KLHDC4: variants seen among roughly 807,000 people sequenced by gnomAD.
KLHDC4 encodes kelch domain containing 4, also known as kelch domain-containing protein 4.
In KLHDC4, 90 loss-of-function variants were observed where a neutral mutation model predicts 62.4. The observed-to-expected ratio is 1.44, with a 90% CI of 1.22 to 1.72. KLHDC4 has a LOEUF of 1.72. Ranked by LOEUF, KLHDC4 falls within the 40% of genes most tolerant of loss-of-function variation. The probability of loss-of-function intolerance (pLI) is 0.00; values close to 1 mark genes in which losing one functional copy is unlikely to be tolerated. For synonymous variants in KLHDC4, 386 were observed against 284.4 expected (o/e 1.36, Z -3.59); for missense variants, 1,025 against 699.7 (o/e 1.47, Z -5.25).
chr16:87,738,534 CCATCCACACACCAGCACCT>C (rs1252279609), intron 5 of KLHDC4, among the ~76,000 whole-genome samples: 43 of 152,046 alleles, frequency 2.8e-4, no homozygotes, highest in East Asian at 1.4e-3. Flanking sequence ...AAAACGTGGT[CCATCCACACACCAGCACCT>C]CATCCACACA....
exon 1 of KLHDC4, chr16:87,699,940 T>G (rs947410732): frequency 2.6e-5 from 4 of 152,076 alleles, no homozygotes; most frequent in African/African-American, 9.7e-5. Flanking sequence ...AAATGAAATG[T>G]TTTTCATACT....
At chr16:87,717,262 G>A (rs777885570) in intron 7 of KLHDC4, among the ~76,000 whole-genome samples, 1 of 152,212 alleles carries the variant, frequency 6.6e-6, no homozygotes, top group African/African-American at 2.4e-5. Flanking sequence ...CAAGATTTGG[G>A]CAATGGATGT....
chr16:87,748,840 C>T (rs768255176), intron 4 of KLHDC4, 31 bp from the exon 5 acceptor site: 2 of 1,610,074 alleles, frequency 1.2e-6, no homozygotes, highest in East Asian at 2.2e-5. Context: ...GGTCAGGGCA[C>T]AGCCACACAG....
At chr16:87,711,528 GC>G (rs1308774111) in intron 8 of KLHDC4, 85 bp from the exon 9 acceptor site, 4 of 1,204,426 alleles carry the variant, frequency 3.3e-6, no homozygotes, top group Non-Finnish European at 2.3e-6. Context: ...GACCCCAGGT[GC>G]CCCCCAGAAT....
chr16:87,726,925 C>G lies in KLHDC4; in HGVS notation c.600-1G>C, dbSNP rs1460270201. 2 of 1,613,736 alleles carry G rather than the reference C, an allele frequency of 1.2e-6. No individual in the cohort carries two copies. The highest frequency in any genetic ancestry group is 1.7e-6 in the Non-Finnish European group (2 of 1,179,800). ...CACGTCGTTGTAGTAGATGTAATCC[C>G]TGGTTAGAAGAACAGCAGCTGTCAG... On this transcript the variant is annotated splice_acceptor_variant, in intron 6 of 11. Transcript: ENST00000270583. LOFTEE classifies it high-confidence loss of function.
At chr16:87,764,416 G>C (rs1021182223) in intron 1 of KLHDC4, among the ~76,000 whole-genome samples, 1 of 151,976 alleles carries the variant, frequency 6.6e-6, no homozygotes, top group African/African-American at 2.4e-5. Context: ...TTGGGAGGCC[G>C]AGGCGAGCGC....
chr16:87,722,149 G>T (rs192077085), intron 7 of KLHDC4, among the ~76,000 whole-genome samples: 1 of 152,186 alleles, frequency 6.6e-6, no homozygotes, highest in African/African-American at 2.4e-5. Context: ...TGTCCCACAC[G>T]CTGCATCTCT....
In KLHDC4 at chr16:87,709,508, G is replaced by C. The variant is rs61735152; in HGVS notation, c.1204C>G (p.Leu402Val). The change falls in exon 10 of 12, where the codon CTC becomes GTC. Residue 402 changes from leucine to valine, a missense_variant. Coordinates refer to ENST00000270583, the MANE Select transcript of KLHDC4 (RefSeq NM_017566.4). ...DGTVVTIKQV[L>V]TAPGSAGQPR... ...TGCCCCGCCGAGCCTGGCGCGGTGA[G>C]CACCTGCTTAATGGTGACCACGGTG... The C allele has an allele frequency of 6.5e-5, 104 of 1,612,042 alleles. 1 individual carries two copies. The Middle Eastern group carries it at 8.2e-4, about 13-fold the overall frequency.
chr16:87,709,133 G>T (rs2035256746), intron 10 of KLHDC4, 132 bp downstream of exon 10: 1 of 1,158,376 alleles, frequency 8.6e-7, no homozygotes, highest in African/African-American at 1.5e-5. Context: ...TGACCGTGGA[G>T]GCAGGAGCAC....
At chr16:87,728,184 C>G (rs1038982065) in intron 6 of KLHDC4, among the ~76,000 whole-genome samples, 1 of 151,938 alleles carries the variant, frequency 6.6e-6, no homozygotes, top group African/African-American at 2.4e-5. Context: ...GAATCTGTCT[C>G]AAAAAAAGAA....
chr16:87,756,794 C>G (rs1034289970), intron 2 of KLHDC4, among the ~76,000 whole-genome samples: 2 of 150,852 alleles, frequency 1.3e-5, no homozygotes, highest in Admixed American at 1.3e-4. Context: ...ATCAAATGTT[C>G]CAGAACTGTT....
chr16:87,758,095 G>A (rs1056911692), intron 2 of KLHDC4, among the ~76,000 whole-genome samples: 1 of 152,150 alleles, frequency 6.6e-6, no homozygotes, highest in Non-Finnish European at 1.5e-5. Flanking sequence ...GTGAGTTTGG[G>A]AAATCTGAGA....
intron 5 of KLHDC4, among the ~76,000 whole-genome samples, chr16:87,746,512 G>A (rs2043065581): frequency 6.6e-6 from 1 of 152,128 alleles, no homozygotes; most frequent in South Asian, 2.1e-4. Context: ...GACCTTCCAG[G>A]ACCAAGGGTG....
At chr16:87,759,575 C>T (rs372811979) in intron 2 of KLHDC4, among the ~76,000 whole-genome samples, 6 of 152,222 alleles carry the variant, frequency 3.9e-5, no homozygotes, top group Non-Finnish European at 7.4e-5. Context: ...GGAGAAACTC[C>T]GTCTCTACTA....
chr16:87,732,726 C>A (rs567986969), intron 5 of KLHDC4, among the ~76,000 whole-genome samples: 5 of 152,136 alleles, frequency 3.3e-5, no homozygotes, highest in African/African-American at 1.2e-4. Context: ...AAAAACAGCA[C>A]GTGAAAAGGC....
At position 87,754,363 on chromosome 16, in the gene KLHDC4, A is replaced by C. The variant is rs531056691; in HGVS notation, c.369+831T>G. ...TCCATCTCAACAACAACAACAACAA[A>C]TACAAGCGTATACAAATCTGATTTT... is the stretch of plus-strand genomic sequence containing the variant. On this transcript the variant is annotated intron_variant, in intron 4 of 11. Coordinates refer to ENST00000270583, the MANE Select transcript of KLHDC4 (RefSeq NM_017566.4). Among the ~76,000 whole-genome samples, 13 of 152,274 alleles carry C rather than the reference A, an allele frequency of 8.5e-5. No individual in the cohort carries two copies. The South Asian group carries it at 2.7e-3, about 32-fold the overall frequency.
chr16:87,722,974 CCA>C (rs1269267227), intron 7 of KLHDC4, among the ~76,000 whole-genome samples: 2 of 152,208 alleles, frequency 1.3e-5, no homozygotes, highest in African/African-American at 4.8e-5. Flanking sequence ...AGGCGTGTGC[CCA>C]CAGTGTGTGG....
downstream of KLHDC4, chr16:87,707,725 G>A (rs1413143525): frequency 4.9e-5 from 13 of 266,994 alleles, no homozygotes; most frequent in Admixed American, 9.7e-5. Flanking sequence ...GGGTGGTCTC[G>A]CCCTAGGCCC....
intron 1 of KLHDC4, chr16:87,765,375 G>A (rs1443256253): frequency 6.4e-6 from 3 of 466,628 alleles, no homozygotes; most frequent in Middle Eastern, 6.4e-4. Context: ...GAAAAGTTAA[G>A]AGTCTTACTC....
Sources: allele counts gnomAD v4.1 joint callset (sites outside exome capture counted in the v4.1 genomes callset), GRCh38; gene constraint gnomAD v4.1.1; transcripts MANE v1.5; gene names NCBI Gene and HGNC (gene_info 2026-07-23, HGNC 2026-07-21).